FAM107B: variants seen among roughly 807,000 people sequenced by gnomAD.
FAM107B encodes protein FAM107B.
Under a neutral mutation model 31.5 loss-of-function variants are expected in FAM107B, and 21 were observed. That is an observed-to-expected ratio of 0.67 (90% CI 0.47 to 0.96). The LOEUF is 0.96. Among genes scored for constraint, FAM107B ranks in the 40% least tolerant of loss-of-function variants. The pLI, the probability that FAM107B is intolerant of heterozygous loss-of-function variation, is 0.00. For synonymous variants in FAM107B, 157 were observed against 141.5 expected (o/e 1.11, Z -0.78); for missense variants, 452 against 377.1 (o/e 1.20, Z -1.64).
chr10:14,745,080 A>G (rs950521032), intron 1 of FAM107B, among the ~76,000 whole-genome samples: 11 of 152,250 alleles, frequency 7.2e-5, no homozygotes, highest in African/African-American at 2.6e-4. Flanking sequence ...TAGATTTTCC[A>G]GTTCATTCGC....
chr10:14,674,013 C>T (rs896583491), intron 1 of FAM107B, among the ~76,000 whole-genome samples: 2 of 151,448 alleles, frequency 1.3e-5, no homozygotes, highest in African/African-American at 2.4e-5. Flanking sequence ...GAGTTATTTG[C>T]GTTCCAAGTA....
At chr10:14,747,034 A>G (rs1234583309) in intron 1 of FAM107B, among the ~76,000 whole-genome samples, 2 of 152,116 alleles carry the variant, frequency 1.3e-5, no homozygotes, top group Non-Finnish European at 1.5e-5. Context: ...GTCTTATTTC[A>G]GCAAGATAGC....
chr10:14,591,867 C>T (rs1157897471), intron 2 of FAM107B, among the ~76,000 whole-genome samples: 2 of 152,050 alleles, frequency 1.3e-5, no homozygotes, highest in African/African-American at 4.8e-5. Context: ...TTAAAAGAAA[C>T]CCAGCACCCA....
intron 3 of FAM107B, among the ~76,000 whole-genome samples, chr10:14,524,145 G>A (rs552371634): frequency 2.4e-4 from 36 of 151,612 alleles, no homozygotes; most frequent in Non-Finnish European, 2.5e-4. Context: ...AGGTTCAAGC[G>A]ATTCTCCTCC....
At chr10:14,747,543 C>A (rs979549213) in intron 1 of FAM107B, among the ~76,000 whole-genome samples, 1 of 152,144 alleles carries the variant, frequency 6.6e-6, no homozygotes, top group Non-Finnish European at 1.5e-5. Flanking sequence ...ACCATTCAGG[C>A]CCCTCTTCCA....
intron 2 of FAM107B, among the ~76,000 whole-genome samples, chr10:14,617,754 CA>C (rs35039591): frequency 0.33 from 22,584 of 68,632 alleles, 1,723 homozygotes; most frequent in Admixed American, 0.42. Flanking sequence ...AGGTAGACGC[CA>C]AAAAAAAAAA....
chr10:14,527,741 T>C (rs796620783), intron 3 of FAM107B, among the ~76,000 whole-genome samples: 33 of 152,326 alleles, frequency 2.2e-4, no homozygotes, highest in African/African-American at 6.3e-4. Flanking sequence ...TACAATACCA[T>C]GCAGTAATCA....
intron 2 of FAM107B, chr10:14,554,122 G>A (rs966115723): frequency 1.0e-6 from 1 of 985,282 alleles, no homozygotes; most frequent in East Asian, 1.1e-4. Flanking sequence ...AGGCATCTCA[G>A]ATAAGCTGGC....
At chr10:14,554,895 A>G (rs544589053) in intron 2 of FAM107B, among the ~76,000 whole-genome samples, 40 of 152,346 alleles carry the variant, frequency 2.6e-4, no homozygotes, top group African/African-American at 9.1e-4. Context: ...AAATATGTCA[A>G]TAATACACCA....
chr10:14,717,367 G>T (rs936859157), intron 1 of FAM107B, among the ~76,000 whole-genome samples: 1 of 152,128 alleles, frequency 6.6e-6, no homozygotes, highest in Non-Finnish European at 1.5e-5. Flanking sequence ...TGCAAGGTGA[G>T]GTCTCCCAGT....
intron 1 of FAM107B, among the ~76,000 whole-genome samples, chr10:14,692,630 C>G (rs1051139739): frequency 6.6e-6 from 1 of 152,188 alleles, no homozygotes; most frequent in Non-Finnish European, 1.5e-5. Context: ...GTCGTCTCAG[C>G]ATGACTATTA....
At chr10:14,735,092 G>A (rs576477881) in intron 1 of FAM107B, among the ~76,000 whole-genome samples, 4 of 152,108 alleles carry the variant, frequency 2.6e-5, no homozygotes, top group Non-Finnish European at 5.9e-5. Context: ...TCATAATTCG[G>A]TGTCCATTCT....
At chr10:14,754,022 C>G (rs888350826) in intron 1 of FAM107B, among the ~76,000 whole-genome samples, 1 of 151,178 alleles carries the variant, frequency 6.6e-6, no homozygotes, top group Non-Finnish European at 1.5e-5. Context: ...CACTGCAACT[C>G]CTGCCTCCTG....
chr10:14,702,945 C>A (rs1855434766), intron 1 of FAM107B, among the ~76,000 whole-genome samples: 1 of 152,166 alleles, frequency 6.6e-6, no homozygotes, highest in Non-Finnish European at 1.5e-5. Flanking sequence ...TGTCACCGGA[C>A]CTGATCGACC....
chr10:14,610,466 T>C (rs1353646165), intron 2 of FAM107B, among the ~76,000 whole-genome samples: 1 of 152,270 alleles, frequency 6.6e-6, no homozygotes, highest in East Asian at 1.9e-4. Context: ...ATGACGTTAA[T>C]GTAATATTCC....
At position 14,723,553 on chromosome 10, in the gene FAM107B, G is replaced by A. The variant is rs887189095; in HGVS notation, c.411+50700C>T. ...ACACCACATCAAACCCACTGTGTGA[G>A]CTCCCTTACTGTTGCATGGAAAGGC... On this transcript the variant is annotated intron_variant, in intron 1 of 4. Coordinates refer to ENST00000181796, the MANE Select transcript of FAM107B (RefSeq NM_031453.4). The A allele has an allele frequency of 4.6e-5, 30 of 647,262 alleles. 1 individual carries two copies. The highest frequency in any genetic ancestry group is 6.6e-5 in the Non-Finnish European group (23 of 350,564). The allele number at this position is 647,262 out of a possible 1,614,324, so 40.1% of individuals were successfully genotyped here.
At chr10:14,546,306 C>CT (rs1414217978) in intron 2 of FAM107B, among the ~76,000 whole-genome samples, 5 of 152,188 alleles carry the variant, frequency 3.3e-5, no homozygotes, top group Admixed American at 2.6e-4. Flanking sequence ...CCAACACTGC[C>CT]TCTCACTTCT....
At chr10:14,626,368 GA>G (rs1853161915) in intron 2 of FAM107B, among the ~76,000 whole-genome samples, 1 of 152,116 alleles carries the variant, frequency 6.6e-6, no homozygotes, top group Non-Finnish European at 1.5e-5. Context: ...CTAAGAGCCG[GA>G]AATGTTGGAA....
chr10:14,522,137 A>G, intron 3 of FAM107B, 118 bp from the exon 4 acceptor site: 1 of 1,317,586 alleles, frequency 7.6e-7, no homozygotes, highest in Non-Finnish European at 1.0e-6. Flanking sequence ...TTAGTATGAT[A>G]CCTACTAGGC....
Sources: allele counts gnomAD v4.1 joint callset (sites outside exome capture counted in the v4.1 genomes callset), GRCh38; gene constraint gnomAD v4.1.1; transcripts MANE v1.5; gene names NCBI Gene and HGNC (gene_info 2026-07-23, HGNC 2026-07-21).